The following BCL3 variants were observed in gnomAD, a reference collection of about 807,000 sequenced individuals.
BCL3 encodes BCL3 transcription coactivator.
BCL3 carries 15 observed loss-of-function variants against 35.7 expected under a neutral mutation model. The ratio of observed to expected loss-of-function variants is 0.42; its 90% confidence interval spans 0.28 to 0.65. The LOEUF is 0.65. Among genes scored for constraint, BCL3 ranks in the 30% least tolerant of loss-of-function variants. The pLI is 0.22. For missense variants in BCL3, 565 were observed against 641.7 expected (o/e 0.88, Z 1.29); for synonymous variants, 311 against 284.3 (o/e 1.09, Z -0.95).
rs1196674283 is a variant in BCL3, at chr19:44,759,499, G to C, written c.1249G>C (p.Ala417Pro). ...CAGGGACCCCCCTGGATTCCCCATGGCTCCTCCCAATTTCTTCCTTCCTTC... is the reference window on the plus strand; with the variant it reads ...CAGGGACCCCCCTGGATTCCCCATGCCTCCTCCCAATTTCTTCCTTCCTTC... ...PPRDPPGFPMAPPNFFLPSPS... is the reference protein window; with the variant it reads ...PPRDPPGFPMPPPNFFLPSPS... Residue 417 changes from alanine to proline, a missense_variant, in exon 9 of 9, where the codon GCT (alanine) becomes CCT (proline). Ala to Pro is a conservative substitution (Grantham distance 27). Transcript: ENST00000164227. 2.5e-6 allele frequency: 4 copies of C among 1,612,232 alleles called. No individual in the cohort carries two copies. The East Asian group carries it at 9.0e-5, about 36-fold the overall frequency.
intron 3 of BCL3, 64 bp downstream of exon 3, chr19:44,756,404 TGGGGG>T (rs1967282443): frequency 1.2e-6 from 1 of 810,162 alleles, no homozygotes; most frequent in African/African-American, 2.5e-5. Context: ...GAGGAGGGGC[TGGGGG>T]CCTGAACTCC....
In BCL3 at chr19:44,757,608, G is replaced by T; in HGVS notation, c.814-38G>T. ...ATGCGGGTCGCCGGCTGCTGGAGCA[G>T]AGCTTGGAGAAACTAAGACCTTCCC... is the stretch of plus-strand genomic sequence containing the variant. On this transcript the variant is annotated intron_variant, in intron 5 of 8. Coordinates refer to ENST00000164227, the MANE Select transcript of BCL3 (RefSeq NM_005178.5). The surrounding 1 kb of genome is among the most constrained non-coding windows in gnomAD (Gnocchi z 8.4). 6.2e-7 allele frequency: 1 copy of T among 1,609,692 alleles called. No individual in the cohort carries two copies. The highest frequency in any genetic ancestry group is 1.1e-5 in the South Asian group (1 of 90,858).
At chr19:44,749,847 T>A (rs8100239) in intron 1 of BCL3, among the ~76,000 whole-genome samples, 58,041 of 151,788 alleles carry the variant, frequency 0.38, 11,377 homozygotes, top group African/African-American at 0.47. Context: ...AGGATGAAAA[T>A]TTCAGGGGTC....
upstream of BCL3, chr19:44,747,891 C>A (rs1967094783): frequency 4.3e-6 from 5 of 1,157,500 alleles, no homozygotes; most frequent in Non-Finnish European, 5.4e-6. Flanking sequence ...GGGGCAGGGC[C>A]CCCAACGAGT....
At chr19:44,754,262 G>A (rs928477126) in intron 2 of BCL3, among the ~76,000 whole-genome samples, 8 of 152,180 alleles carry the variant, frequency 5.3e-5, no homozygotes, top group Non-Finnish European at 1.0e-4. Context: ...CTTGCAGCCA[G>A]CTGGAGCCTG....
chr19:44,756,310 G>T lies in BCL3; in HGVS notation c.489G>T (p.Arg163=). Residue 163 remains arginine, a synonymous_variant, in exon 3 of 9, where the codon CGG becomes CGT. Coordinates refer to ENST00000164227, the MANE Select transcript of BCL3 (RefSeq NM_005178.5). ...RLVNLFQQGG[R]ELDIYNNLRQ... ...TCAACCTCTTCCAGCAGGGGGGCCG[G>T]GAGCTCGACATCTACAACAACCTAC... 6.5e-7 allele frequency: 1 copy of T among 1,542,082 alleles called. No individual in the cohort carries two copies. Among genetic ancestry groups the T allele is most frequent in the Non-Finnish European group, 8.8e-7 (1 of 1,140,118 alleles).
intron 1 of BCL3, among the ~76,000 whole-genome samples, chr19:44,750,695 A>T (rs974636484): frequency 6.6e-6 from 1 of 152,118 alleles, no homozygotes; most frequent in African/African-American, 2.4e-5. Context: ...AGGCAGGAGA[A>T]TCGCTTGAAC....
rs760168458 is a variant in BCL3 at position 44,758,815 on chromosome 19, A to G, written c.1151A>G (p.Glu384Gly). The change falls in exon 8 of 9, where the codon GAG becomes GGG. Residue 384 changes from glutamate (E) to glycine (G), a missense_variant. Coordinates refer to ENST00000164227, the MANE Select transcript of BCL3 (RefSeq NM_005178.5). ...GACCGGAGCGCCAACACCTCCCCCG[A>G]GAGCAGCAGCCGCCTCAGCTCCAAT... is the stretch of plus-strand genomic sequence containing the variant. ...SPDRSANTSP[E>G]SSSRLSSNGL... 2 of 1,603,594 alleles carry G rather than the reference A, an allele frequency of 1.2e-6. No homozygotes were observed. Among genetic ancestry groups the G allele is most frequent in the South Asian group, 1.1e-5 (1 of 89,710 alleles).
rs1202031916 is a variant in BCL3, at chr19:44,757,210, G to T, written c.713G>T (p.Arg238Leu). Residue 238 changes from arginine (R) to leucine (L), a missense_variant, in exon 4 of 9, where the codon CGC becomes CTC. Physicochemically the swap from Arg to Leu is moderately radical, Grantham distance 102. Around this residue, in one of 5 missense-constraint regions of BCL3, gnomAD observed 103 missense variants for 106.7 expected, o/e 0.97. Transcript: ENST00000164227. This position sits in a 1 kb window ranked among gnomAD's most constrained non-coding sequence, Gnocchi z 8.4. ...CCGGGCACGTTGGACCTGGAGGCCCGCAATTATGACGGTAAGCATTTACCG... is the reference window on the plus strand; with the variant it reads ...CCGGGCACGTTGGACCTGGAGGCCCTCAATTATGACGGTAAGCATTTACCG... ...AAPGTLDLEA[R>L]NYDGLTALHV... 1.9e-6 allele frequency: 3 copies of T among 1,553,880 alleles called. No individual in the cohort carries two copies. The highest frequency in any genetic ancestry group is 1.9e-5 in the Admixed American group (1 of 52,648).
intron 2 of BCL3, among the ~76,000 whole-genome samples, chr19:44,752,952 G>T (rs2122286497): frequency 6.6e-6 from 1 of 152,290 alleles, no homozygotes; most frequent in Non-Finnish European, 1.5e-5. Flanking sequence ...AAGTAGCAGA[G>T]GGCTGCTCCG....
chr19:44,759,221 G>C (rs762598), intron 8 of BCL3, among the ~76,000 whole-genome samples: 1 of 13,962 alleles, frequency 7.2e-5, no homozygotes, highest in Non-Finnish European at 1.4e-4. Flanking sequence ...TCTGACCCCC[G>C]GCCCCTCTTC....
intron 3 of BCL3, 52 bp downstream of exon 3, chr19:44,756,392 C>A: frequency 1.7e-6 from 2 of 1,184,452 alleles, no homozygotes; most frequent in Non-Finnish European, 2.2e-6. Context: ...CTGGGTCTGA[C>A]AGAGGAGGGG....
chr19:44,758,892 A>G, intron 8 of BCL3, 51 bp downstream of exon 8: 1 of 1,416,548 alleles, frequency 7.1e-7, no homozygotes, highest in Non-Finnish European at 9.5e-7. Flanking sequence ...CCTCAGACCC[A>G]GGAATCCCAA....
chr19:44,751,535 A>T (rs1161504313), intron 2 of BCL3, among the ~76,000 whole-genome samples, 155 bp downstream of exon 2: 1 of 152,098 alleles, frequency 6.6e-6, no homozygotes, highest in East Asian at 1.9e-4. Context: ...TCTGAGCCTC[A>T]GTTTCCTCCT....
rs1967351113 is a variant in BCL3 at position 44,758,741 on chromosome 19, G to A, written c.1077G>A (p.Arg359=). The A allele has an allele frequency of 8.1e-6, 13 of 1,603,112 alleles. No homozygotes were observed. The highest frequency in any genetic ancestry group is 1.1e-5 in the Non-Finnish European group (13 of 1,175,598). The change falls in exon 8 of 9, where the codon AGG becomes AGA. Residue 359 remains arginine, a synonymous_variant. Transcript: ENST00000164227. ...ARSRRVIDIL[R]GKATRPASTS... ...TCCTACAGGTCATCGACATCCTGAG[G>A]GGGAAGGCCACCCGGCCTGCTTCCA...
chr19:44,749,289 G>C (rs1375229769), intron 1 of BCL3, among the ~76,000 whole-genome samples: 2 of 150,580 alleles, frequency 1.3e-5, no homozygotes, highest in East Asian at 3.9e-4. Flanking sequence ...TGACGTGGGG[G>C]GGGGGGGGCC....
At chr19:44,756,432 AG>A (rs1967283744) in intron 3 of BCL3, 92 bp downstream of exon 3, 2 of 295,182 alleles carry the variant, frequency 6.8e-6, no homozygotes, top group African/African-American at 4.3e-5. Flanking sequence ...GGTCTGAGGG[AG>A]GGGGGCTGGG....
chr19:44,749,267 C>T (rs1258035280), intron 1 of BCL3, among the ~76,000 whole-genome samples: 5 of 127,848 alleles, frequency 3.9e-5, no homozygotes, highest in East Asian at 4.3e-4. Flanking sequence ...GGGGCAAAGC[C>T]CAGGGGCTGA....
chr19:44,756,223 C>T lies in BCL3; in HGVS notation c.411-9C>T, dbSNP rs368327992. 6.9e-7 allele frequency: 1 copy of T among 1,449,214 alleles called. No homozygotes were observed. The highest frequency in any genetic ancestry group is 9.2e-7 in the Non-Finnish European group (1 of 1,089,742). 89.8% of individuals were successfully genotyped at this position (1,449,214 alleles called of 1,614,324 possible). Reference sequence around the variant, plus strand: ...AATGCCTGTGATTCCTTCACTCCCCCACCCCCAGGCCTCTCCATATTGCTG... The same window carrying T: ...AATGCCTGTGATTCCTTCACTCCCCTACCCCCAGGCCTCTCCATATTGCTG... On this transcript the variant is annotated splice_polypyrimidine_tract_variant and intron_variant, in intron 2 of 8. Coordinates refer to ENST00000164227, the MANE Select transcript of BCL3 (RefSeq NM_005178.5).
Sources: gnomAD v4.1 joint callset for allele counts (sites outside exome capture counted in the v4.1 genomes callset) on GRCh38, gnomAD v4.1.1 for gene constraint, gnomAD v4.1.1 regional missense constraint, Gnocchi (gnomAD v3.1) non-coding constraint, MANE v1.5 for transcripts, NCBI Gene and HGNC (gene_info 2026-07-23, HGNC 2026-07-21) for gene names.